TTLL7: variants seen among roughly 807,000 people sequenced by gnomAD.
TTLL7 encodes the protein tubulin polyglutamylase TTLL7.
Under a neutral mutation model 120.2 loss-of-function variants are expected in TTLL7, and 53 were observed. The ratio of observed to expected loss-of-function variants is 0.44; its 90% CI spans 0.35 to 0.55. The LOEUF (loss-of-function observed/expected upper bound fraction) is 0.55, where lower values mean the gene tolerates loss of function less well. Among genes scored for constraint, TTLL7 ranks in the 20% least tolerant of loss-of-function variants. TTLL7 has a pLI of 0.00. For synonymous variants in TTLL7, 353 were observed against 351.7 expected, an observed-to-expected ratio of 1.00 and a Z score of -0.04; for missense variants, 803 against 1,054.7, an observed-to-expected ratio of 0.76 and a Z score of 3.31.
chr1:83,875,493 C>A (rs1381565113), intron 20 of TTLL7, among the ~76,000 whole-genome samples: 1 of 151,854 alleles, frequency 6.6e-6, no homozygotes, highest in Non-Finnish European at 1.5e-5. Flanking sequence ...CTACTGTAAT[C>A]ATTCTAATAA....
At chr1:83,892,928 G>GAAA (rs1553129437) in intron 18 of TTLL7, among the ~76,000 whole-genome samples, 15 of 102,712 alleles carry the variant, frequency 1.5e-4, no homozygotes, top group Non-Finnish European at 2.3e-4. Context: ...GAAAGAAAAA[G>GAAA]AGAAAGAAAG....
At position 83,921,482 on chromosome 1, in the gene TTLL7, T is replaced by C. The variant is rs557179854; in HGVS notation, c.1143-88A>G. Reference sequence around the variant, plus strand: ...AGGAGAATTTGCAGAACAGGAGACATAGTGAAGCTCAGAATCAATGTTTAT... The same window carrying C: ...AGGAGAATTTGCAGAACAGGAGACACAGTGAAGCTCAGAATCAATGTTTAT... On this transcript the variant is annotated intron_variant, in intron 10 of 20. Transcript: ENST00000260505. 4.3e-6 allele frequency: 6 copies of C among 1,402,010 alleles called. No homozygotes were observed. In the African/African-American group the frequency reaches 4.3e-5, roughly 10 times the overall value. The allele number at this position is 1,402,010 out of a possible 1,614,324, so 86.8% of individuals were successfully genotyped here.
chr1:83,901,746 G>A (rs1422097355), intron 18 of TTLL7, among the ~76,000 whole-genome samples: 2 of 151,922 alleles, frequency 1.3e-5, no homozygotes, highest in African/African-American at 4.8e-5. Context: ...ATGAGTTAAT[G>A]TGCAACAGTG....
At chr1:83,892,952 A>AAGAAAGAAAAAGAAAGAAAGAAAGAAGG (rs143741135) in intron 18 of TTLL7, among the ~76,000 whole-genome samples, 1 of 128,978 alleles carries the variant, frequency 7.8e-6, no homozygotes, top group African/African-American at 3.4e-5. Flanking sequence ...GAAAGAAAGA[A>AAGAAAGAAAAAGAAAGAAAGAAAGAAGG]AAGAATAAAA....
At position 83,878,212 on chromosome 1, in the gene TTLL7, T is replaced by TA. The variant is rs569330234; in HGVS notation, c.2543+4750dup. On this transcript the variant is annotated intron_variant, in intron 20 of 20. Transcript: ENST00000260505. ...TGAAATTTGGGTTTGTTTTTTTTTT[T>TA]ATTCCACTATATGGTTGATTTTCTA... Among the ~76,000 whole-genome samples, 214 of 151,942 alleles carry TA rather than the reference T, an allele frequency of 1.4e-3. 2 individuals carry two copies. Among genetic ancestry groups the TA allele is most frequent in the African/African-American group, 4.9e-3 (202 of 41,520 alleles).
chr1:83,938,094 T>A (rs41293009), intron 7 of TTLL7, 78 bp from the exon 8 acceptor site: 22,161 of 1,351,536 alleles, frequency 0.016, 236 homozygotes, highest in African/African-American at 0.043. Context: ...AAAAAGACAC[T>A]CAAAGACTAA....
chr1:83,910,303 T>C (rs1206056291), intron 15 of TTLL7, among the ~76,000 whole-genome samples: 3 of 152,154 alleles, frequency 2.0e-5, no homozygotes, highest in Non-Finnish European at 4.4e-5. Flanking sequence ...CACTGCATTA[T>C]TGAGCTGGTT....
At chr1:83,937,456 G>C (rs919774562) in intron 8 of TTLL7, among the ~76,000 whole-genome samples, 3 of 152,158 alleles carry the variant, frequency 2.0e-5, no homozygotes, top group African/African-American at 7.2e-5. Context: ...ACCTGCCTCA[G>C]CCTCCCAAAG....
In TTLL7 at chr1:83,949,872, T is replaced by C; in HGVS notation, c.272A>G (p.Asn91Ser). ...TCATGATTAATTTCCTACCTGATAA[T>C]TTTGCAGCTCTGAAATTTTCTCCTG... ...VQQEKISELQ[N>S]YQRINHFPGM... The change falls in exon 4 of 21, where the codon AAT (asparagine) becomes AGT (serine). Residue 91 changes from asparagine to serine, a missense_variant. This residue lies in a region of TTLL7 where 324 missense variants were observed against 507.7 expected (regional missense o/e 0.64). Transcript: ENST00000260505. The C allele has an allele frequency of 6.2e-7, 1 of 1,613,364 alleles. No individual in the cohort carries two copies. The highest frequency in any genetic ancestry group is 8.5e-7 in the Non-Finnish European group (1 of 1,179,872).
rs1420272485 is a variant in TTLL7 at position 83,868,916 on chromosome 1, T to C, written c.*1046A>G. 1 of 151,406 alleles carries C rather than the reference T, an allele frequency of 6.6e-6. No individual in the cohort carries two copies. The highest frequency in any genetic ancestry group is 1.9e-4 in the East Asian group (1 of 5,202). The allele number at this position is 151,406 out of a possible 1,614,324, so 9.4% of individuals were successfully genotyped here. ...ATTTTATTTTTAACCCATTGGATTG[T>C]CTTCCATTTTATTTATTTATTTTTA... On this transcript the variant is annotated 3_prime_UTR_variant, in exon 21 of 21. Coordinates refer to ENST00000260505, the MANE Select transcript of TTLL7 (RefSeq NM_024686.6).
intron 18 of TTLL7, among the ~76,000 whole-genome samples, chr1:83,903,342 T>C (rs1656888377): frequency 6.6e-6 from 1 of 152,068 alleles, no homozygotes. Flanking sequence ...GCCTGAAACA[T>C]TGTCTCTGAA....
intron 1 of TTLL7, among the ~76,000 whole-genome samples, chr1:83,965,561 A>G (rs1480901675): frequency 6.6e-6 from 1 of 152,146 alleles, no homozygotes; most frequent in East Asian, 1.9e-4. Flanking sequence ...ACTTGGTATT[A>G]TAATACTTGG....
At chr1:83,985,752 T>C (rs1652384423) in intron 1 of TTLL7, among the ~76,000 whole-genome samples, 1 of 151,636 alleles carries the variant, frequency 6.6e-6, no homozygotes, top group African/African-American at 2.4e-5. Context: ...CTAAAGACAA[T>C]AAAAGGATAA....
intron 15 of TTLL7, among the ~76,000 whole-genome samples, chr1:83,909,076 G>C (rs1348270895): frequency 1.4e-5 from 2 of 147,892 alleles, no homozygotes; most frequent in African/African-American, 5.0e-5. Context: ...TTTTAACAAA[G>C]AACTGCACAT....
chr1:83,947,462 T>C (rs1465924812), intron 5 of TTLL7, 180 bp from the exon 6 acceptor site: 1 of 540,842 alleles, frequency 1.8e-6, no homozygotes, highest in Non-Finnish European at 3.1e-6. Flanking sequence ...TTAGACACTA[T>C]TCTGGACTAT....
intron 1 of TTLL7, among the ~76,000 whole-genome samples, chr1:83,970,217 A>G (rs2100567178): frequency 6.6e-6 from 1 of 152,194 alleles, no homozygotes; most frequent in Non-Finnish European, 1.5e-5. Context: ...TTTAGTACTT[A>G]GAATATTTGC....
chr1:83,927,440 G>A (rs1659229183), intron 10 of TTLL7, among the ~76,000 whole-genome samples: 1 of 152,090 alleles, frequency 6.6e-6, no homozygotes, highest in South Asian at 2.1e-4. Context: ...TGGGATTTGA[G>A]TCACAAGCAA....
At position 83,929,174 on chromosome 1, in the gene TTLL7, C is replaced by T. The variant is rs1394538050; in HGVS notation, c.1104G>A (p.Arg368=). 3 of 1,612,770 alleles carry T rather than the reference C, an allele frequency of 1.9e-6. No individual in the cohort carries two copies. The highest frequency in any genetic ancestry group is 1.3e-5 in the African/African-American group (1 of 74,934). Residue 368 remains arginine (R), a synonymous_variant, in exon 10 of 21, where the codon AGG becomes AGA. Transcript: ENST00000260505. The stretch of plus-strand genomic sequence containing the variant: ...GCTTCAACGCATTTAGCAGCACTCC[C>T]CTTTTTACATCATAGTCTATTTTCT... ...TDQKIDYDVK[R]GVLLNALKLL...
chr1:83,873,100 TA>T (rs915034814), intron 20 of TTLL7, among the ~76,000 whole-genome samples: 1 of 152,196 alleles, frequency 6.6e-6, no homozygotes, highest in African/African-American at 2.4e-5. Context: ...ATATGAAGTA[TA>T]AAATAATCTA....
Sources: allele counts gnomAD v4.1 joint callset (sites outside exome capture counted in the v4.1 genomes callset), GRCh38; gene constraint gnomAD v4.1.1; regional missense constraint gnomAD v4.1.1; transcripts MANE v1.5; gene names NCBI Gene and HGNC (gene_info 2026-07-23, HGNC 2026-07-21).